WIPF3: variants seen among roughly 807,000 people sequenced by gnomAD.
The protein encoded by WIPF3 is WAS/WASL interacting protein family member 3.
Under a neutral mutation model 38.9 loss-of-function variants are expected in WIPF3, and 33 were observed. The observed-to-expected ratio is 0.85, with a 90% CI of 0.64 to 1.14. The LOEUF (loss-of-function observed/expected upper bound fraction) is 1.14. Among genes scored for constraint, WIPF3 ranks in the 50% most tolerant of loss-of-function variants. WIPF3 has a pLI of 0.00. For synonymous variants in WIPF3, 324 were observed against 269.3 expected, an observed-to-expected ratio of 1.20 and a Z score of -1.99; for missense variants, 711 against 652.5, an observed-to-expected ratio of 1.09 and a Z score of -0.98.
chr7:29,894,964 A>AT (rs1211760871), intron 7 of WIPF3, among the ~76,000 whole-genome samples: 1 of 139,638 alleles, frequency 7.2e-6, no homozygotes, highest in Non-Finnish European at 1.6e-5. Context: ...GTTTTGTTTC[A>AT]TTTTTTTGAG....
At position 29,844,441 on chromosome 7, in the gene WIPF3, T is replaced by G. The variant is rs555806081; in HGVS notation, c.90+9627T>G. Among the ~76,000 whole-genome samples, 1 of 152,338 alleles carries G rather than the reference T, an allele frequency of 6.6e-6. No homozygotes were observed. The highest frequency in any genetic ancestry group is 6.5e-5 in the Admixed American group (1 of 15,296). On this transcript the variant is annotated intron_variant, in intron 2 of 8. Transcript: ENST00000242140. The surrounding 1 kb of genome is among the most constrained non-coding windows in gnomAD (Gnocchi z 4.8). Reference sequence around the variant, plus strand: ...CACTTAACATGGATTGTCTAAATTATCTAAATATTTACAACAATCCAATGA... The same window carrying G: ...CACTTAACATGGATTGTCTAAATTAGCTAAATATTTACAACAATCCAATGA...
intron 7 of WIPF3, among the ~76,000 whole-genome samples, chr7:29,892,313 T>G (rs1786039536): frequency 6.6e-6 from 1 of 152,168 alleles, no homozygotes; most frequent in Non-Finnish European, 1.5e-5. Context: ...AACAGGCAGC[T>G]GGATCTCATA....
intron 1 of WIPF3, among the ~76,000 whole-genome samples, chr7:29,816,683 G>A (rs1395374615): frequency 6.6e-6 from 1 of 151,994 alleles, no homozygotes; most frequent in Non-Finnish European, 1.5e-5. Context: ...ACACAATGTG[G>A]AGATCATTCC....
intron 1 of WIPF3, among the ~76,000 whole-genome samples, chr7:29,821,135 C>T (rs1784530830): frequency 6.6e-6 from 1 of 152,164 alleles, no homozygotes; most frequent in African/African-American, 2.4e-5. Flanking sequence ...TGTTTAAAAA[C>T]ATTTGCCACT....
At position 29,890,643 on chromosome 7, in the gene WIPF3, A is replaced by G. The variant is rs558412550; in HGVS notation, c.1351+1236A>G. ...AGTGAAGTCCTTTCTGCAGAACTCA[A>G]CTTCCTGCAGAGCAGAGGGAATGCA... On this transcript the variant is annotated intron_variant, in intron 7 of 8. Transcript: ENST00000242140. Among the ~76,000 whole-genome samples, 4 of 152,208 alleles carry G rather than the reference A, an allele frequency of 2.6e-5. No homozygotes were observed. In the South Asian group the frequency reaches 6.2e-4, roughly 24 times the overall value.
intron 2 of WIPF3, among the ~76,000 whole-genome samples, chr7:29,843,989 G>A (rs939230966): frequency 7.9e-5 from 12 of 151,882 alleles, no homozygotes; most frequent in African/African-American, 2.4e-4. Context: ...TCTCTGCAGT[G>A]GAGGGCTGGC....
intron 1 of WIPF3, among the ~76,000 whole-genome samples, chr7:29,826,989 A>T (rs1784625322): frequency 6.6e-6 from 1 of 152,196 alleles, no homozygotes; most frequent in Non-Finnish European, 1.5e-5. Context: ...TAATAATGGT[A>T]TCTATCTCAT....
At chr7:29,837,332 G>A (rs56171315) in intron 2 of WIPF3, among the ~76,000 whole-genome samples, 88,764 of 152,090 alleles carry the variant, frequency 0.58, 26,139 homozygotes, top group Middle Eastern at 0.65. Flanking sequence ...CTCCAGCCTG[G>A]GCAACAGAGT....
At chr7:29,914,081 C>T (rs908693338) in intron 8 of WIPF3, among the ~76,000 whole-genome samples, 1 of 152,170 alleles carries the variant, frequency 6.6e-6, no homozygotes, top group Admixed American at 6.5e-5. Context: ...AGGGACTGCT[C>T]TTTTTTATGG....
intron 2 of WIPF3, among the ~76,000 whole-genome samples, chr7:29,845,861 C>A (rs958640967): frequency 6.6e-6 from 1 of 152,214 alleles, no homozygotes; most frequent in Non-Finnish European, 1.5e-5. Context: ...GAGTTTAGTG[C>A]AGATACTGTA....
At chr7:29,870,000 G>A (rs1192932447) in intron 2 of WIPF3, among the ~76,000 whole-genome samples, 1 of 152,182 alleles carries the variant, frequency 6.6e-6, no homozygotes, top group Non-Finnish European at 1.5e-5. Context: ...CAGATTTTGA[G>A]TGGAATAACA....
intron 2 of WIPF3, among the ~76,000 whole-genome samples, chr7:29,843,658 T>G (rs900901683): frequency 1.3e-5 from 2 of 152,300 alleles, no homozygotes; most frequent in East Asian, 3.9e-4. Flanking sequence ...CAGCGAACCT[T>G]TCCTCCCTCC....
chr7:29,907,407 T>A (rs1003593016), intron 8 of WIPF3, among the ~76,000 whole-genome samples: 9 of 152,220 alleles, frequency 5.9e-5, no homozygotes, highest in African/African-American at 2.2e-4. Flanking sequence ...TGTATGTTAT[T>A]GAATCTAAGC....
Position 29,830,161 on chromosome 7 carries a change from G to A in WIPF3, c.-57-4507G>A, listed in dbSNP as rs542418956. Among the ~76,000 whole-genome samples, 48 of 151,124 alleles carry A rather than the reference G, an allele frequency of 3.2e-4. No homozygotes were observed. In the South Asian group the frequency reaches 9.6e-3, roughly 30 times the overall value. On this transcript the variant is annotated intron_variant, in intron 1 of 8. Transcript: ENST00000242140. ...CATATAAAACTATCCTCTAATCCTG[G>A]ATTTTGAAAAATCCTTGCCTGTGAC...
At chr7:29,883,750 G>A in intron 4 of WIPF3, 100 bp from the exon 5 acceptor site, 1 of 1,458,056 alleles carries the variant, frequency 6.9e-7, no homozygotes, top group Non-Finnish European at 9.1e-7. Context: ...CTACAGTGCA[G>A]CTCACTGCGG....
intron 2 of WIPF3, among the ~76,000 whole-genome samples, chr7:29,840,135 A>G (rs1391309083): frequency 6.6e-6 from 1 of 151,888 alleles, no homozygotes; most frequent in Non-Finnish European, 1.5e-5. Flanking sequence ...TCCCATTCCC[A>G]CTACCCACCA....
intron 7 of WIPF3, among the ~76,000 whole-genome samples, chr7:29,901,933 CAG>C (rs145013054): frequency 0.027 from 4,005 of 150,856 alleles, 64 homozygotes; most frequent in South Asian, 0.059. Context: ...GGTTCCCAAA[CAG>C]GGGGAATTTT....
At chr7:29,876,020 G>A in intron 3 of WIPF3, 58 bp downstream of exon 3, 2 of 1,592,200 alleles carry the variant, frequency 1.3e-6, no homozygotes, top group Admixed American at 3.4e-5. Context: ...GGCATGTGAG[G>A]CACAGCCAGA....
chr7:29,836,898 G>A (rs1784812450), intron 2 of WIPF3, among the ~76,000 whole-genome samples: 1 of 152,148 alleles, frequency 6.6e-6, no homozygotes, highest in Non-Finnish European at 1.5e-5. Flanking sequence ...GCTGTGGCAG[G>A]GAGAATTACT....
Sources: gnomAD v4.1 joint callset for allele counts (sites outside exome capture counted in the v4.1 genomes callset) on GRCh38, gnomAD v4.1.1 for gene constraint, Gnocchi (gnomAD v3.1) non-coding constraint, MANE v1.5 for transcripts, NCBI Gene and HGNC (gene_info 2026-07-23, HGNC 2026-07-21) for gene names.